Variants in PTPRD observed in about 807,000 individuals in gnomAD.
PTPRD encodes receptor-type tyrosine-protein phosphatase delta.
PTPRD carries 34 observed loss-of-function variants against 214.5 expected under a neutral mutation model. That is an observed-to-expected ratio of 0.16 (90% confidence interval 0.12 to 0.21). PTPRD has a LOEUF of 0.21. Among genes scored for constraint, PTPRD ranks in the 10% least tolerant of loss-of-function variants. The probability of loss-of-function intolerance (pLI) is 1.00; values close to 1 mark genes in which losing one functional copy is unlikely to be tolerated. For synonymous variants in PTPRD, 1,128 were observed against 845.7 expected, an observed-to-expected ratio of 1.33 and a Z score of -5.79; for missense variants, 2,545 against 2,398.7, an observed-to-expected ratio of 1.06 and a Z score of -1.27.
chr9:10,477,550 G>A (rs565918491), intron 2 of PTPRD, among the ~76,000 whole-genome samples: 8 of 152,162 alleles, frequency 5.3e-5, no homozygotes, highest in African/African-American at 1.4e-4. Flanking sequence ...AAATTAGTTC[G>A]ACCATTGTGG....
At chr9:8,671,323 G>C (rs1252255978) in intron 12 of PTPRD, among the ~76,000 whole-genome samples, 2 of 152,142 alleles carry the variant, frequency 1.3e-5, no homozygotes, top group South Asian at 4.1e-4. Flanking sequence ...AATGAGAGTG[G>C]AAGGCATATA....
chr9:9,932,908 GT>G (rs1329528373), intron 5 of PTPRD, among the ~76,000 whole-genome samples: 5 of 136,978 alleles, frequency 3.7e-5, no homozygotes, highest in African/African-American at 5.2e-5. Flanking sequence ...CCAGAAAAGA[GT>G]GGGGGCCAAT....
intron 8 of PTPRD, among the ~76,000 whole-genome samples, chr9:9,545,579 C>G (rs2078598878): frequency 6.6e-6 from 1 of 151,810 alleles, no homozygotes; most frequent in South Asian, 2.1e-4. Context: ...TATCTGTGTA[C>G]AGAGTTTTTG....
intron 2 of PTPRD, among the ~76,000 whole-genome samples, chr9:10,412,763 C>T (rs1054442527): frequency 3.3e-5 from 5 of 151,628 alleles, no homozygotes; most frequent in East Asian, 3.9e-4. Context: ...TTATCCACAA[C>T]GATCAAGTAG....
chr9:8,353,444 G>A (rs2076056971), intron 39 of PTPRD, among the ~76,000 whole-genome samples: 1 of 139,096 alleles, frequency 7.2e-6, no homozygotes, highest in Non-Finnish European at 1.6e-5. Flanking sequence ...ATGAATGAAT[G>A]AATGAGATGG....
At chr9:8,458,270 G>A (rs1015392449) in intron 33 of PTPRD, among the ~76,000 whole-genome samples, 1 of 151,982 alleles carries the variant, frequency 6.6e-6, no homozygotes, top group Non-Finnish European at 1.5e-5. Flanking sequence ...TGCAGATGAA[G>A]GAAGAAAATA....
At chr9:9,913,508 G>T (rs942127567) in intron 5 of PTPRD, among the ~76,000 whole-genome samples, 7 of 152,096 alleles carry the variant, frequency 4.6e-5, no homozygotes, top group African/African-American at 1.7e-4. Context: ...AGCTAAGATT[G>T]GACTGGAGTG....
intron 11 of PTPRD, among the ~76,000 whole-genome samples, chr9:8,780,504 T>C (rs1288159751): frequency 2.0e-5 from 3 of 152,178 alleles, no homozygotes; most frequent in Non-Finnish European, 2.9e-5. Flanking sequence ...GGATTAATTT[T>C]GCAACACTGG....
intron 9 of PTPRD, among the ~76,000 whole-genome samples, chr9:9,391,271 T>G (rs2140917440): frequency 6.6e-6 from 1 of 152,270 alleles, no homozygotes; most frequent in South Asian, 2.1e-4. Flanking sequence ...TTTTCAAAAC[T>G]AGAGGCTATA....
At chr9:8,671,632 G>T (rs998602185) in intron 12 of PTPRD, among the ~76,000 whole-genome samples, 1 of 151,996 alleles carries the variant, frequency 6.6e-6, no homozygotes, top group Non-Finnish European at 1.5e-5. Flanking sequence ...CACTGAATAC[G>T]GAAATACATT....
At chr9:10,308,505 A>G (rs2096161637) in intron 3 of PTPRD, among the ~76,000 whole-genome samples, 1 of 151,900 alleles carries the variant, frequency 6.6e-6, no homozygotes, top group South Asian at 2.1e-4. Flanking sequence ...TGATGTCGCC[A>G]GCTTTGTTCT....
Position 8,450,368 on chromosome 9 carries a change from C to G in PTPRD, c.3876-531G>C, listed in dbSNP as rs557660127. On this transcript the variant is annotated intron_variant, in intron 33 of 45. Coordinates refer to ENST00000381196, the MANE Select transcript of PTPRD (RefSeq NM_002839.4). ...AAACACAAGTGCATTTTTAAGATGCCAAGTTATCCTAATGCCTAGGATAAT... is the reference window on the plus strand; with the variant it reads ...AAACACAAGTGCATTTTTAAGATGCGAAGTTATCCTAATGCCTAGGATAAT... Among the ~76,000 whole-genome samples the G allele has an allele frequency of 2.0e-5, 3 of 152,096 alleles. No individual in the cohort carries two copies. In the East Asian group the frequency reaches 5.8e-4, roughly 29 times the overall value.
intron 2 of PTPRD, among the ~76,000 whole-genome samples, chr9:10,553,185 G>A (rs371353149): frequency 3.3e-5 from 5 of 152,084 alleles, no homozygotes; most frequent in Non-Finnish European, 5.9e-5. Flanking sequence ...ATACAGCACA[G>A]TCCCCACCCA....
intron 10 of PTPRD, among the ~76,000 whole-genome samples, chr9:9,060,793 C>A (rs1200727158): frequency 6.6e-6 from 1 of 152,114 alleles, no homozygotes; most frequent in East Asian, 1.9e-4. Context: ...TCAAAGTTAT[C>A]AACAGTGTCA....
At chr9:10,449,242 C>T (rs111924219) in intron 2 of PTPRD, among the ~76,000 whole-genome samples, 6,982 of 150,626 alleles carry the variant, frequency 0.046, 658 homozygotes, top group African/African-American at 0.16. Context: ...GGTTTCGCCG[C>T]GTTGGCCGGG....
chr9:9,081,121 T>C (rs1339224628), intron 10 of PTPRD, among the ~76,000 whole-genome samples: 2 of 152,194 alleles, frequency 1.3e-5, no homozygotes, highest in Non-Finnish European at 2.9e-5. Flanking sequence ...TGCTTTCTCC[T>C]GTGGGCATTT....
chr9:9,982,508 G>A (rs1467468633), intron 4 of PTPRD, among the ~76,000 whole-genome samples: 1 of 118,728 alleles, frequency 8.4e-6, no homozygotes, highest in Non-Finnish European at 1.9e-5. Context: ...GTGTGTGTGT[G>A]TGTGTGTTGG....
chr9:9,156,543 T>C (rs562803450), intron 10 of PTPRD, among the ~76,000 whole-genome samples: 2 of 152,176 alleles, frequency 1.3e-5, no homozygotes, highest in African/African-American at 4.8e-5. Flanking sequence ...CAACACATAA[T>C]TGATTAGACC....
intron 11 of PTPRD, among the ~76,000 whole-genome samples, chr9:9,015,642 T>A (rs1009060532): frequency 1.8e-4 from 28 of 152,316 alleles, no homozygotes; most frequent in African/African-American, 6.3e-4. Flanking sequence ...CCTGAATTCT[T>A]TCTTGCATGA....
Sources: gnomAD v4.1 joint callset for allele counts (sites outside exome capture counted in the v4.1 genomes callset) on GRCh38, gnomAD v4.1.1 for gene constraint, MANE v1.5 for transcripts, NCBI Gene and HGNC (gene_info 2026-07-23, HGNC 2026-07-21) for gene names.